SV2B: variants seen among roughly 807,000 people sequenced by gnomAD.
SV2B encodes solute carrier family 22 member B2.
Under a neutral mutation model 73.9 loss-of-function variants are expected in SV2B, and 41 were observed. That is an observed-to-expected ratio of 0.56 (90% CI 0.43 to 0.72). SV2B has a LOEUF of 0.72. Ranked by LOEUF, SV2B falls within the 30% of genes least tolerant of loss-of-function variation. The probability of loss-of-function intolerance (pLI) is 0.00; values close to 1 mark genes in which losing one functional copy is unlikely to be tolerated. For synonymous variants in SV2B, 314 were observed against 314.2 expected (o/e 1.00, Z 0.01); for missense variants, 764 against 857.8 (o/e 0.89, Z 1.37).
chr15:91,226,579 C>A lies in SV2B; in HGVS notation c.316C>A (p.Arg106Ser). The A allele has an allele frequency of 6.2e-7, 1 of 1,614,184 alleles. No homozygotes were observed. Among genetic ancestry groups the A allele is most frequent in the African/African-American group, 1.3e-5 (1 of 75,052 alleles). The change falls in exon 2 of 13, where the codon CGC becomes AGC. Residue 106 changes from arginine to serine, a missense_variant. By Grantham distance (110) the Arg-to-Ser change is moderately radical. Coordinates refer to ENST00000394232, the MANE Select transcript of SV2B (RefSeq NM_001323032.3). ...ETIMDECGHG[R>S]FQWILFFVLG... ...CATCATGGATGAGTGTGGCCATGGC[C>A]GCTTCCAGTGGATCCTCTTTTTCGT...
At chr15:91,186,433 C>T (rs1384743361) in intron 1 of SV2B, among the ~76,000 whole-genome samples, 1 of 152,096 alleles carries the variant, frequency 6.6e-6, no homozygotes, top group African/African-American at 2.4e-5. Context: ...AGTTTTGAAG[C>T]CTAGTCCACA....
chr15:91,284,226 G>T lies in SV2B; in HGVS notation c.1708+5G>T. The T allele has an allele frequency of 3.7e-6, 6 of 1,614,076 alleles. No homozygotes were observed. Among genetic ancestry groups the T allele is most frequent in the Non-Finnish European group, 4.2e-6 (5 of 1,179,952 alleles). ...TTGGAAGGCTCAAGATGATTGGTGA[G>T]TTGCCAGCAGGGTCATTCCTGGGTT... On this transcript the variant is annotated splice_donor_5th_base_variant and intron_variant, in intron 11 of 12. Transcript: ENST00000394232. This position sits in a 1 kb window ranked among gnomAD's most constrained non-coding sequence, Gnocchi z 4.5.
At chr15:91,150,437 C>T (rs2043280264) in intron 1 of SV2B, among the ~76,000 whole-genome samples, 1 of 152,204 alleles carries the variant, frequency 6.6e-6, no homozygotes, top group Non-Finnish European at 1.5e-5. Flanking sequence ...GATATTTCCT[C>T]CTGAATTATT....
chr15:91,116,263 G>A (rs550626548), intron 1 of SV2B, among the ~76,000 whole-genome samples: 172 of 152,260 alleles, frequency 1.1e-3, no homozygotes, highest in African/African-American at 3.9e-3. Flanking sequence ...GGAGGGAGTG[G>A]GTGGCCTTCA....
intron 1 of SV2B, among the ~76,000 whole-genome samples, chr15:91,120,795 G>A (rs2042310457): frequency 7.2e-6 from 1 of 139,536 alleles, no homozygotes; most frequent in African/African-American, 2.6e-5. Flanking sequence ...CTGTGTGACA[G>A]AGTGAGAACC....
intron 1 of SV2B, among the ~76,000 whole-genome samples, chr15:91,179,511 T>C (rs963457600): frequency 1.3e-5 from 2 of 152,154 alleles, no homozygotes; most frequent in African/African-American, 2.4e-5. Flanking sequence ...TTTCCCATTA[T>C]TATTGTGTGG....
chr15:91,118,923 C>A lies in SV2B; in HGVS notation c.-392+18560C>A, dbSNP rs1392475776. Among the ~76,000 whole-genome samples, 1 of 152,180 alleles carries A rather than the reference C, an allele frequency of 6.6e-6. No homozygotes were observed. The highest frequency in any genetic ancestry group is 1.5e-5 in the Non-Finnish European group (1 of 68,034). Reference sequence around the variant, plus strand: ...GTGGAGACTTGCAATACTTTATATACTGGTGAATGAGCTGTCTCGGCTTGG... The same window carrying A: ...GTGGAGACTTGCAATACTTTATATAATGGTGAATGAGCTGTCTCGGCTTGG... On this transcript the variant is annotated intron_variant, in intron 1 of 12. Coordinates refer to ENST00000394232, the MANE Select transcript of SV2B (RefSeq NM_001323032.3). This position sits in a 1 kb window ranked among gnomAD's most constrained non-coding sequence, Gnocchi z 4.7.
intron 2 of SV2B, among the ~76,000 whole-genome samples, chr15:91,250,047 G>A (rs2047422717): frequency 6.6e-6 from 1 of 152,158 alleles, no homozygotes; most frequent in South Asian, 2.1e-4. Context: ...CAAAGCCAGA[G>A]AAGAACACTA....
chr15:91,180,712 C>T (rs1355916662), intron 1 of SV2B, among the ~76,000 whole-genome samples: 2 of 152,224 alleles, frequency 1.3e-5, no homozygotes, highest in East Asian at 1.9e-4. Flanking sequence ...GCATTCTTCA[C>T]GTAGTTCTTG....
rs2141613552 is a variant in SV2B at position 91,252,221 on chromosome 15, T to C, written c.633-148T>C. The C allele has an allele frequency of 1.7e-6, 2 of 1,195,216 alleles. No individual in the cohort carries two copies. Among genetic ancestry groups the C allele is most frequent in the Non-Finnish European group, 2.3e-6 (2 of 854,988 alleles). 74.0% of individuals were successfully genotyped at this position (1,195,216 alleles called of 1,614,324 possible). A position where few individuals can be genotyped will look rare whatever the true frequency, so the allele number is the denominator to read the frequency against. ...AAATAATCCAAGACTGCTTCCCACA[T>C]GTAGAGAGGAACTAACTGGCCGGTC... On this transcript the variant is annotated intron_variant, in intron 3 of 12. Coordinates refer to ENST00000394232, the MANE Select transcript of SV2B (RefSeq NM_001323032.3). The surrounding 1 kb of genome is among the most constrained non-coding windows in gnomAD (Gnocchi z 4.6).
At chr15:91,233,879 A>G (rs150680604) in intron 2 of SV2B, among the ~76,000 whole-genome samples, 95 of 152,346 alleles carry the variant, frequency 6.2e-4, no homozygotes, top group African/African-American at 2.1e-3. Flanking sequence ...CGTGTGGACC[A>G]TGAAGAGGTG....
At chr15:91,213,282 C>T (rs1195739705) in intron 1 of SV2B, among the ~76,000 whole-genome samples, 2 of 152,188 alleles carry the variant, frequency 1.3e-5, no homozygotes, top group Non-Finnish European at 1.5e-5. Context: ...AACTTTTCCT[C>T]AAGCTGGTGT....
intron 1 of SV2B, among the ~76,000 whole-genome samples, chr15:91,114,402 A>G (rs1371847131): frequency 6.6e-6 from 1 of 152,046 alleles, no homozygotes; most frequent in Non-Finnish European, 1.5e-5. Flanking sequence ...TGTGCTTGGG[A>G]TTGCTCTATA....
rs148542663 is a variant in SV2B, at chr15:91,214,586, C to T, written c.-391-11287C>T. ...TTCACAGAACTTGCGAATGGCAGAG[C>T]TGGTATCTGTAAAGAAATGCAGTGG... On this transcript the variant is annotated intron_variant, in intron 1 of 12. Transcript: ENST00000394232. This position sits in a 1 kb window ranked among gnomAD's most constrained non-coding sequence, Gnocchi z 4.7. 1.2e-4 allele frequency among the ~76,000 whole-genome samples: 18 copies of T among 152,308 alleles called. No homozygotes were observed. Among genetic ancestry groups the T allele is most frequent in the Non-Finnish European group, 2.4e-4 (16 of 68,034 alleles).
At chr15:91,147,945 C>T (rs1212413561) in intron 1 of SV2B, among the ~76,000 whole-genome samples, 1 of 147,868 alleles carries the variant, frequency 6.8e-6, no homozygotes, top group Non-Finnish European at 1.5e-5. Context: ...TGTTTGTTCC[C>T]CACCCCGCAC....
intron 2 of SV2B, among the ~76,000 whole-genome samples, chr15:91,230,530 G>A (rs888973209): frequency 7.9e-5 from 12 of 152,142 alleles, no homozygotes; most frequent in African/African-American, 2.7e-4. Context: ...TCTCTTGAGC[G>A]TTATGTTTTA....
intron 1 of SV2B, among the ~76,000 whole-genome samples, chr15:91,159,538 G>A (rs2043635601): frequency 6.6e-6 from 1 of 152,102 alleles, no homozygotes; most frequent in African/African-American, 2.4e-5. Flanking sequence ...AACATGAAGT[G>A]AAATAAGAAT....
rs941736381 is a variant in SV2B, at chr15:91,261,831, G to A, written c.1008+1422G>A. Among the ~76,000 whole-genome samples, 3 of 152,188 alleles carry A rather than the reference G, an allele frequency of 2.0e-5. No homozygotes were observed. The highest frequency in any genetic ancestry group is 7.2e-5 in the African/African-American group (3 of 41,512). ...GGTAAATGGTAATTTCTATGAAGAT[G>A]GCCTGATAGTTACAGAGACGCTGTC... On this transcript the variant is annotated intron_variant, in intron 6 of 12. Transcript: ENST00000394232. The surrounding 1 kb of genome is among the most constrained non-coding windows in gnomAD (Gnocchi z 4.7).
intron 1 of SV2B, among the ~76,000 whole-genome samples, chr15:91,143,659 C>T (rs564785439): frequency 1.3e-5 from 2 of 152,262 alleles, no homozygotes; most frequent in South Asian, 4.1e-4. Context: ...ACATCATTCT[C>T]GAACTGTTGT....
Sources: gnomAD v4.1 joint callset for allele counts (sites outside exome capture counted in the v4.1 genomes callset) on GRCh38, gnomAD v4.1.1 for gene constraint, Gnocchi (gnomAD v3.1) non-coding constraint, MANE v1.5 for transcripts, NCBI Gene and HGNC (gene_info 2026-07-23, HGNC 2026-07-21) for gene names.